NTM: variants seen among roughly 807,000 people sequenced by gnomAD.
NTM encodes the protein neurotrimin, also known as IgLON family member 2.
Under a neutral mutation model 42.1 loss-of-function variants are expected in NTM, and 13 were observed. That is an observed-to-expected ratio of 0.31 (90% CI 0.20 to 0.49). The LOEUF is 0.49. Ranked by LOEUF, NTM falls within the 20% of genes least tolerant of loss-of-function variation. The pLI, the probability that NTM is intolerant of heterozygous loss-of-function variation, is 0.99. For missense variants in NTM, 373 were observed against 452.8 expected, an observed-to-expected ratio of 0.82 and a Z score of 1.60; for synonymous variants, 187 against 179.2, an observed-to-expected ratio of 1.04 and a Z score of -0.35.
At chr11:131,987,890 T>C (rs2066345835) in intron 2 of NTM, among the ~76,000 whole-genome samples, 1 of 152,248 alleles carries the variant, frequency 6.6e-6, no homozygotes, top group African/African-American at 2.4e-5. Context: ...GGCTAAATGC[T>C]GGAAACGCAG....
chr11:131,782,690 A>G (rs867482575), intron 1 of NTM, among the ~76,000 whole-genome samples: 4 of 152,284 alleles, frequency 2.6e-5, no homozygotes, highest in South Asian at 4.1e-4. Context: ...GGTTGGTTTA[A>G]CATTTAAAAA....
chr11:132,029,699 G>A (rs2075674498), intron 2 of NTM, among the ~76,000 whole-genome samples: 2 of 152,146 alleles, frequency 1.3e-5, no homozygotes, highest in African/African-American at 2.4e-5. Context: ...GTGGGAAATA[G>A]AGTGAACATC....
At position 132,314,941 on chromosome 11, in the gene NTM, T is replaced by TATATGTATAGTACATGTATA. The variant is rs2095387684; in HGVS notation, c.934+240_934+259dup. ...TACAGTTTACATGTATACAAAGTAG[T>TATATGTATAGTACATGTATA]ATATGTATAGTACATGTATAAAAGT... On this transcript the variant is annotated intron_variant, in intron 7 of 8. Transcript: ENST00000683400. 3 of 1,260,518 alleles carry TATATGTATAGTACATGTATA rather than the reference T, an allele frequency of 2.4e-6. No homozygotes were observed. In the South Asian group the frequency reaches 9.8e-5, roughly 41 times the overall value. 78.1% of individuals were successfully genotyped at this position (1,260,518 alleles called of 1,614,324 possible).
intron 1 of NTM, among the ~76,000 whole-genome samples, chr11:131,403,144 G>A (rs932732400): frequency 3.9e-5 from 6 of 152,176 alleles, no homozygotes; most frequent in Admixed American, 1.3e-4. Flanking sequence ...AGGAGACACC[G>A]TTTACTTACA....
Position 131,401,822 on chromosome 11 carries a change from A to ATATGTG in NTM, c.82+30937_82+30938insGTGTAT, listed in dbSNP as rs1555101762. Among the ~76,000 whole-genome samples, 6 of 57,852 alleles carry ATATGTG rather than the reference A, an allele frequency of 1.0e-4. No homozygotes were observed. In the East Asian group the frequency reaches 1.5e-3, roughly 14 times the overall value. 38.0% of individuals were successfully genotyped at this position (57,852 alleles called of 152,430 possible). A position where few individuals can be genotyped will look rare whatever the true frequency, so the allele number is the denominator to read the frequency against. On this transcript the variant is annotated intron_variant, in intron 1 of 8. Coordinates refer to ENST00000683400, the MANE Select transcript of NTM (RefSeq NM_001352005.2). ...GAAATATATATATATATATATATAT[A>ATATGTG]TATATATATATATATATATATATAT...
chr11:132,070,951 A>C (rs373594782), intron 2 of NTM, among the ~76,000 whole-genome samples: 7,133 of 44,048 alleles, frequency 0.16, no homozygotes, highest in African/African-American at 0.28. Flanking sequence ...TAACACGTCA[A>C]ACTGACCGTC....
chr11:131,497,176 A>G (rs1955436309), intron 1 of NTM, among the ~76,000 whole-genome samples: 1 of 151,916 alleles, frequency 6.6e-6, no homozygotes. Context: ...TGCACCATAG[A>G]TTACTATTTC....
At chr11:131,923,821 A>C (rs2057561462) in intron 2 of NTM, among the ~76,000 whole-genome samples, 1 of 152,224 alleles carries the variant, frequency 6.6e-6, no homozygotes, top group Non-Finnish European at 1.5e-5. Flanking sequence ...ATAATGATTA[A>C]GTGCAGGGTC....
At chr11:131,414,149 G>A (rs973763855) in intron 1 of NTM, among the ~76,000 whole-genome samples, 3 of 152,152 alleles carry the variant, frequency 2.0e-5, no homozygotes, top group African/African-American at 4.8e-5. Context: ...GGAGGAGCAG[G>A]GTATTCTGGT....
At chr11:131,940,936 C>T (rs980541380) in intron 2 of NTM, among the ~76,000 whole-genome samples, 4 of 152,208 alleles carry the variant, frequency 2.6e-5, no homozygotes, top group African/African-American at 9.6e-5. Flanking sequence ...AATACGGGTG[C>T]AAATGATAAA....
At chr11:131,523,410 G>T (rs1228925626) in intron 1 of NTM, among the ~76,000 whole-genome samples, 1 of 152,188 alleles carries the variant, frequency 6.6e-6, no homozygotes, top group Non-Finnish European at 1.5e-5. Flanking sequence ...GGTAAAGATA[G>T]CAGTCAGAAT....
At chr11:131,931,360 G>C (rs565661223) in intron 2 of NTM, among the ~76,000 whole-genome samples, 103 of 152,082 alleles carry the variant, frequency 6.8e-4, no homozygotes, top group African/African-American at 2.3e-3. Flanking sequence ...GATTGCTTGA[G>C]CCCAGGAGGT....
intron 3 of NTM, among the ~76,000 whole-genome samples, chr11:132,162,095 G>A (rs1278594752): frequency 6.6e-6 from 1 of 152,160 alleles, no homozygotes; most frequent in Non-Finnish European, 1.5e-5. Context: ...GTGGGTCTGG[G>A]AGTGTGTGTT....
chr11:131,479,964 T>C (rs1055959121), intron 1 of NTM, among the ~76,000 whole-genome samples: 1 of 152,104 alleles, frequency 6.6e-6, no homozygotes, highest in Non-Finnish European at 1.5e-5. Context: ...AGAGGCAGGA[T>C]CAGTATTACT....
At chr11:131,829,444 G>A (rs2136514878) in intron 1 of NTM, among the ~76,000 whole-genome samples, 1 of 152,174 alleles carries the variant, frequency 6.6e-6, no homozygotes, top group Non-Finnish European at 1.5e-5. Context: ...GCAGCATTTG[G>A]TTTTCTGTTC....
intron 2 of NTM, among the ~76,000 whole-genome samples, chr11:132,070,430 TAGTTAACACGTCACACAGCCA>T: frequency 7.4e-6 from 1 of 134,758 alleles, no homozygotes; most frequent in Non-Finnish European, 1.6e-5. Context: ...CGTCACAGGT[TAGTTAACACGTCACACAGCCA>T]AGTTAACACA....
At chr11:131,759,203 A>G (rs953373827) in intron 1 of NTM, among the ~76,000 whole-genome samples, 8 of 152,148 alleles carry the variant, frequency 5.3e-5, no homozygotes, top group African/African-American at 1.7e-4. Flanking sequence ...CACACATCTT[A>G]CTGTGCTCTC....
At chr11:131,605,148 C>A (rs1021242097) in intron 1 of NTM, among the ~76,000 whole-genome samples, 1 of 150,872 alleles carries the variant, frequency 6.6e-6, no homozygotes, top group Non-Finnish European at 1.5e-5. Flanking sequence ...TCAATCAATA[C>A]ATTTAGAAGT....
chr11:131,664,050 C>T (rs952152610), intron 1 of NTM, among the ~76,000 whole-genome samples: 6 of 152,194 alleles, frequency 3.9e-5, no homozygotes, highest in South Asian at 2.1e-4. Flanking sequence ...ACCCTGGGCT[C>T]GCTCCCCTCT....
Sources: gnomAD v4.1 joint callset for allele counts (sites outside exome capture counted in the v4.1 genomes callset) on GRCh38, gnomAD v4.1.1 for gene constraint, MANE v1.5 for transcripts, NCBI Gene and HGNC (gene_info 2026-07-23, HGNC 2026-07-21) for gene names.